CNTN6: variants seen among roughly 807,000 people sequenced by gnomAD.
The protein encoded by CNTN6 is contactin-6.
CNTN6 carries 137 observed loss-of-function variants against 122.8 expected under a neutral mutation model. The ratio of observed to expected loss-of-function variants is 1.12; its 90% CI spans 0.97 to 1.29. The LOEUF (loss-of-function observed/expected upper bound fraction) is 1.29. Among genes scored for constraint, CNTN6 ranks in the 50% most tolerant of loss-of-function variants. CNTN6 has a pLI of 0.00. For synonymous variants in CNTN6, 570 were observed against 426.0 expected, an observed-to-expected ratio of 1.34 and a Z score of -4.16; for missense variants, 1,634 against 1,223.4, an observed-to-expected ratio of 1.34 and a Z score of -5.01.
chr3:1,102,984 T>C lies in CNTN6; in HGVS notation c.-83+9864T>C, dbSNP rs568014520. ...TAGCCGGGCGTGGTGGCGGCGCCTG[T>C]GGTCCCAGCTACTCGGGAGGCTGAG... On this transcript the variant is annotated intron_variant, in intron 1 of 22. Coordinates refer to ENST00000446702, the MANE Select transcript of CNTN6 (RefSeq NM_001289080.2). Among the ~76,000 whole-genome samples the C allele has an allele frequency of 9.6e-4, 143 of 149,640 alleles. 1 individual carries two copies. The highest frequency in any genetic ancestry group is 3.4e-3 in the Middle Eastern group (1 of 294).
chr3:1,396,574 T>A (rs1430266021), intron 20 of CNTN6, among the ~76,000 whole-genome samples: 3 of 152,184 alleles, frequency 2.0e-5, no homozygotes. Flanking sequence ...AACCAAAGGA[T>A]ATAATGTACA....
intron 1 of CNTN6, among the ~76,000 whole-genome samples, chr3:1,140,733 A>G (rs2092589443): frequency 2.6e-5 from 4 of 152,152 alleles, no homozygotes; most frequent in Admixed American, 2.6e-4. Flanking sequence ...AATGATTCTG[A>G]CTATTTCCAT....
chr3:1,246,583 T>C (rs1434045211), intron 4 of CNTN6, among the ~76,000 whole-genome samples: 6 of 152,190 alleles, frequency 3.9e-5, no homozygotes, highest in African/African-American at 1.4e-4. Context: ...GGCATGCATA[T>C]GACAATTTTA....
chr3:1,391,242 G>T (rs1481597528), intron 20 of CNTN6, among the ~76,000 whole-genome samples: 7 of 112,998 alleles, frequency 6.2e-5, no homozygotes, highest in African/African-American at 2.3e-4. Flanking sequence ...ATGCAAGGCT[G>T]GTTCAATATA....
chr3:1,223,511 C>A (rs1326681606), intron 3 of CNTN6, among the ~76,000 whole-genome samples: 1 of 152,136 alleles, frequency 6.6e-6, no homozygotes, highest in African/African-American at 2.4e-5. Context: ...TGAAGTCCAG[C>A]CCTGAAGCCC....
intron 1 of CNTN6, among the ~76,000 whole-genome samples, chr3:1,147,163 A>G (rs1159007860): frequency 6.6e-6 from 1 of 152,102 alleles, no homozygotes; most frequent in Non-Finnish European, 1.5e-5. Flanking sequence ...ATATGTTTCC[A>G]CTATGTTAAA....
chr3:1,221,557 G>C (rs1218929147), intron 3 of CNTN6, among the ~76,000 whole-genome samples: 1 of 150,696 alleles, frequency 6.6e-6, no homozygotes. Flanking sequence ...GGGCAAATAA[G>C]AAAAAAAAAC....
At chr3:1,375,021 G>A (rs527543509) in intron 16 of CNTN6, among the ~76,000 whole-genome samples, 2 of 152,130 alleles carry the variant, frequency 1.3e-5, no homozygotes, top group South Asian at 2.1e-4. Context: ...GACAGAGCTA[G>A]GTTTTGAATC....
chr3:1,209,136 T>C (rs2093998171), intron 2 of CNTN6, among the ~76,000 whole-genome samples: 1 of 152,194 alleles, frequency 6.6e-6, no homozygotes, highest in Non-Finnish European at 1.5e-5. Flanking sequence ...GGCATATACA[T>C]TTTAGGCAGG....
intron 2 of CNTN6, among the ~76,000 whole-genome samples, chr3:1,179,927 C>T (rs1392110598): frequency 1.3e-5 from 2 of 152,120 alleles, no homozygotes; most frequent in Non-Finnish European, 2.9e-5. Flanking sequence ...TAATTTGTTA[C>T]CAGGTGAGCA....
intron 3 of CNTN6, among the ~76,000 whole-genome samples, chr3:1,222,786 A>C (rs149471126): frequency 6.6e-6 from 1 of 151,930 alleles, no homozygotes; most frequent in East Asian, 1.9e-4. Flanking sequence ...TTTGTTGTAC[A>C]AATTATTTCA....
chr3:1,096,886 T>C (rs2090555031), intron 1 of CNTN6, among the ~76,000 whole-genome samples: 1 of 152,156 alleles, frequency 6.6e-6, no homozygotes, highest in Admixed American at 6.6e-5. Flanking sequence ...TTTTGCTTCG[T>C]TTTTTATCTG....
chr3:1,185,133 A>G (rs1206223712), intron 2 of CNTN6, among the ~76,000 whole-genome samples: 1 of 152,188 alleles, frequency 6.6e-6, no homozygotes, highest in Non-Finnish European at 1.5e-5. Flanking sequence ...ATTATTGCTC[A>G]TAAAATTTTT....
intron 1 of CNTN6, among the ~76,000 whole-genome samples, chr3:1,123,797 T>G (rs896763066): frequency 6.6e-6 from 1 of 152,020 alleles, no homozygotes; most frequent in African/African-American, 2.4e-5. Flanking sequence ...TCTTTTACCA[T>G]TGAGTATGAT....
chr3:1,255,268 A>C (rs896998774), intron 4 of CNTN6, among the ~76,000 whole-genome samples: 5 of 152,158 alleles, frequency 3.3e-5, no homozygotes, highest in Admixed American at 1.3e-4. Flanking sequence ...AGTCATTGCA[A>C]TAGGGTACAG....
At chr3:1,094,550 T>C (rs1461826249) in intron 1 of CNTN6, among the ~76,000 whole-genome samples, 1 of 152,172 alleles carries the variant, frequency 6.6e-6, no homozygotes, top group Non-Finnish European at 1.5e-5. Context: ...CATTTATAAA[T>C]GACTTCATTG....
chr3:1,208,840 C>G (rs185913098), intron 2 of CNTN6, among the ~76,000 whole-genome samples: 10 of 152,264 alleles, frequency 6.6e-5, no homozygotes, highest in Admixed American at 5.2e-4. Flanking sequence ...TTACTATGCT[C>G]CCAAATTATT....
At chr3:1,327,380 T>C in intron 9 of CNTN6, 77 bp from the exon 10 acceptor site, 1 of 1,401,842 alleles carries the variant, frequency 7.1e-7, no homozygotes, top group Non-Finnish European at 9.9e-7. Flanking sequence ...TACACAAATG[T>C]TGTTTAATAA....
chr3:1,319,480 A>G (rs1031850946), intron 7 of CNTN6, among the ~76,000 whole-genome samples: 1 of 151,670 alleles, frequency 6.6e-6, no homozygotes, highest in Non-Finnish European at 1.5e-5. Flanking sequence ...TATTATTACA[A>G]TTATCATAAT....
Sources: allele counts gnomAD v4.1 joint callset (sites outside exome capture counted in the v4.1 genomes callset), GRCh38; gene constraint gnomAD v4.1.1; transcripts MANE v1.5; gene names NCBI Gene and HGNC (gene_info 2026-07-23, HGNC 2026-07-21).